RPTOR: variants seen among roughly 807,000 people sequenced by gnomAD.
The protein encoded by RPTOR is regulatory associated protein of MTOR complex 1, also known as regulatory-associated protein of mTOR.
Under a neutral mutation model 169.9 loss-of-function variants are expected in RPTOR, and 21 were observed. The ratio of observed to expected loss-of-function variants is 0.12; its 90% CI spans 0.09 to 0.18. The LOEUF is 0.18. RPTOR is among the 10% of genes least tolerant of loss of function. The pLI, the probability that RPTOR is intolerant of heterozygous loss-of-function variation, is 1.00. For missense variants in RPTOR, 1,133 were observed against 1,855.9 expected (o/e 0.61, Z 7.16); for synonymous variants, 732 against 753.2 (o/e 0.97, Z 0.46).
intron 7 of RPTOR, among the ~76,000 whole-genome samples, chr17:80,797,038 G>A (rs1002842667): frequency 2.0e-5 from 3 of 152,118 alleles, no homozygotes; most frequent in African/African-American, 4.8e-5. Flanking sequence ...GCTTAAAAAC[G>A]CTATTTTTAT....
intron 1 of RPTOR, among the ~76,000 whole-genome samples, chr17:80,582,061 G>C (rs1475850402): frequency 6.6e-6 from 1 of 152,186 alleles, no homozygotes; most frequent in Non-Finnish European, 1.5e-5. Flanking sequence ...TGGCTTCTGA[G>C]GGCCAGCTGC....
At chr17:80,717,765 T>A (rs1306106872) in intron 4 of RPTOR, among the ~76,000 whole-genome samples, 1 of 152,252 alleles carries the variant, frequency 6.6e-6, no homozygotes, top group South Asian at 2.1e-4. Flanking sequence ...TGTTGCTGGT[T>A]GTTTTCTCAG....
intron 3 of RPTOR, among the ~76,000 whole-genome samples, chr17:80,684,474 C>T (rs950768475): frequency 5.9e-5 from 9 of 151,536 alleles, no homozygotes; most frequent in Non-Finnish European, 1.0e-4. Context: ...GGCATAGTCT[C>T]GCTCTGCCGC....
At chr17:80,551,439 G>A (rs1307570227) in intron 1 of RPTOR, among the ~76,000 whole-genome samples, 1 of 152,084 alleles carries the variant, frequency 6.6e-6, no homozygotes, top group African/African-American at 2.4e-5. Flanking sequence ...CAAGACAATA[G>A]TGGGGAGAGG....
At chr17:80,822,132 G>C in intron 7 of RPTOR, 69 bp from the exon 8 acceptor site, 2 of 1,494,940 alleles carry the variant, frequency 1.3e-6, no homozygotes, top group Non-Finnish European at 1.9e-6. Context: ...CTTTTTTCTT[G>C]CAACCTCTCT....
intron 5 of RPTOR, among the ~76,000 whole-genome samples, chr17:80,752,976 G>A (rs544396280): frequency 2.5e-5 from 3 of 122,206 alleles, no homozygotes; most frequent in East Asian, 2.4e-4. Flanking sequence ...ATACTTTTAC[G>A]TGACAAGTCT....
chr17:80,577,523 C>T (rs1480964727), intron 1 of RPTOR, among the ~76,000 whole-genome samples: 5 of 152,142 alleles, frequency 3.3e-5, no homozygotes, highest in African/African-American at 9.7e-5. Flanking sequence ...AAGCAGTCCC[C>T]CTGCCTCGGC....
At chr17:80,920,054 A>G (rs772069062) in intron 21 of RPTOR, among the ~76,000 whole-genome samples, 18 of 152,050 alleles carry the variant, frequency 1.2e-4, no homozygotes, top group Non-Finnish European at 1.9e-4. Context: ...CTCTCTGTTC[A>G]CCCTTCCTGG....
Position 80,941,575 on chromosome 17 carries a change from C to T in RPTOR, c.3025+974C>T, listed in dbSNP as rs184103681. ...GCTCCCACCACTGAGCCAGCTCTGG[C>T]TGGGGGACCTCAAGCTGCCCCCAAC... On this transcript the variant is annotated intron_variant, in intron 25 of 33. Coordinates refer to ENST00000306801, the MANE Select transcript of RPTOR (RefSeq NM_020761.3). Among the ~76,000 whole-genome samples, 3 of 152,258 alleles carry T rather than the reference C, an allele frequency of 2.0e-5. No homozygotes were observed. In the South Asian group the frequency reaches 6.2e-4, roughly 31 times the overall value.
rs1005455386 is a variant in RPTOR at position 80,846,356 on chromosome 17, G to A, written c.1213-117G>A. 8.2e-6 allele frequency: 8 copies of A among 979,340 alleles called. No individual in the cohort carries two copies. The Admixed American group carries it at 1.2e-4, about 14-fold the overall frequency. 60.7% of individuals were successfully genotyped at this position (979,340 alleles called of 1,614,324 possible). On this transcript the variant is annotated intron_variant, in intron 10 of 33. Coordinates refer to ENST00000306801, the MANE Select transcript of RPTOR (RefSeq NM_020761.3). The stretch of plus-strand genomic sequence containing the variant: ...TTCTCAGCCGCCTGGCATCCTCGCG[G>A]CCCTGCAGGGCGGGCCCTTCGTGAA...
chr17:80,684,048 C>T (rs893501915), intron 3 of RPTOR, among the ~76,000 whole-genome samples: 12 of 152,216 alleles, frequency 7.9e-5, no homozygotes, highest in African/African-American at 2.7e-4. Flanking sequence ...AACTTTCTCA[C>T]GTGAATTCAC....
chr17:80,547,318 A>C (rs2084288741), intron 1 of RPTOR, among the ~76,000 whole-genome samples: 1 of 152,170 alleles, frequency 6.6e-6, no homozygotes, highest in Non-Finnish European at 1.5e-5. Flanking sequence ...CTTTTTAAAA[A>C]ATTCTTTGTG....
chr17:80,769,795 C>T (rs991353857), intron 6 of RPTOR, among the ~76,000 whole-genome samples: 2 of 152,188 alleles, frequency 1.3e-5, no homozygotes, highest in African/African-American at 4.8e-5. Context: ...ACCAGCAGCC[C>T]AGTGTGGCAT....
chr17:80,884,344 G>T (rs1180341537), intron 16 of RPTOR, among the ~76,000 whole-genome samples: 1 of 152,244 alleles, frequency 6.6e-6, no homozygotes, highest in Non-Finnish European at 1.5e-5. Flanking sequence ...CTCGTGCCTG[G>T]TGCAGCTGGG....
chr17:80,747,699 C>T lies in RPTOR; in HGVS notation c.655-6311C>T, dbSNP rs182063590. 1.3e-4 allele frequency among the ~76,000 whole-genome samples: 20 copies of T among 152,292 alleles called. No homozygotes were observed. The East Asian group carries it at 3.7e-3, about 28-fold the overall frequency. ...TGCAAACCCAGCAGCGTCTGGACCA[C>T]GGGAGCTTTGTCTCTCCACCGGACA... is the stretch of plus-strand genomic sequence containing the variant. On this transcript the variant is annotated intron_variant, in intron 5 of 33. Coordinates refer to ENST00000306801, the MANE Select transcript of RPTOR (RefSeq NM_020761.3).
chr17:80,829,385 G>C (rs951058213), intron 9 of RPTOR, among the ~76,000 whole-genome samples: 1 of 152,150 alleles, frequency 6.6e-6, no homozygotes, highest in Non-Finnish European at 1.5e-5. Context: ...TCTGCGGGGC[G>C]GTTTTGGCCC....
intron 5 of RPTOR, among the ~76,000 whole-genome samples, chr17:80,735,031 C>G (rs1178322692): frequency 6.6e-6 from 1 of 152,124 alleles, no homozygotes; most frequent in Admixed American, 6.5e-5. Flanking sequence ...GGTCTAGGAA[C>G]CAATGCCCTG....
intron 6 of RPTOR, among the ~76,000 whole-genome samples, chr17:80,767,722 A>G (rs1359130483): frequency 6.6e-6 from 1 of 152,238 alleles, no homozygotes; most frequent in African/African-American, 2.4e-5. Flanking sequence ...GTAATTAGTA[A>G]TGGTAAAAGC....
chr17:80,689,336 C>T (rs1049374718), intron 3 of RPTOR, among the ~76,000 whole-genome samples: 4 of 152,230 alleles, frequency 2.6e-5, no homozygotes, highest in African/African-American at 9.6e-5. Flanking sequence ...ATGCACTCCC[C>T]CGTGGGAAGA....
Sources: allele counts gnomAD v4.1 joint callset (sites outside exome capture counted in the v4.1 genomes callset), GRCh38; gene constraint gnomAD v4.1.1; transcripts MANE v1.5; gene names NCBI Gene and HGNC (gene_info 2026-07-23, HGNC 2026-07-21).